The following ANP32B variants were observed in gnomAD, a reference collection of about 807,000 sequenced individuals.
ANP32B encodes the protein acidic leucine-rich nuclear phosphoprotein 32 family member B.
Under a neutral mutation model 32.2 loss-of-function variants are expected in ANP32B, and 6 were observed. The observed-to-expected ratio is 0.19, with a 90% CI of 0.10 to 0.37. The LOEUF is 0.37. ANP32B is among the 10% of genes least tolerant of loss of function. The pLI, the probability that ANP32B is intolerant of heterozygous loss-of-function variation, is 1.00. For synonymous variants in ANP32B, 98 were observed against 105.8 expected (o/e 0.93, Z 0.45); for missense variants, 204 against 289.2 (o/e 0.71, Z 2.14).
intron 3 of ANP32B, among the ~76,000 whole-genome samples, chr9:98,003,988 G>T (rs528432279): frequency 6.6e-6 from 1 of 152,156 alleles, no homozygotes; most frequent in Admixed American, 6.6e-5. Context: ...GTCACTTCCT[G>T]TTGCTGTCTC....
chr9:98,004,347 A>G (rs570937770), intron 3 of ANP32B, among the ~76,000 whole-genome samples: 67 of 152,296 alleles, frequency 4.4e-4, no homozygotes, highest in Middle Eastern at 6.8e-3. Flanking sequence ...GAAGAGTGCA[A>G]TGTTTCTCCG....
At position 97,983,411 on chromosome 9, in the gene ANP32B, A is replaced by ACGCCGCC. The variant is rs1401005119; in HGVS notation, c.-140_-134dup. On this transcript the variant is annotated 5_prime_UTR_variant, in exon 1 of 7. Transcript: ENST00000339399. ...CCGGGGGCTCCGCTCGCCTGCCCGC[A>ACGCCGCC]CGCCGCCCGCCACCCAGGACCGCGC... The ACGCCGCC allele has an allele frequency of 1.6e-6, 1 of 644,520 alleles. No homozygotes were observed. The highest frequency in any genetic ancestry group is 2.0e-5 in the African/African-American group (1 of 50,498). 39.9% of individuals were successfully genotyped at this position (644,520 alleles called of 1,614,324 possible).
At chr9:98,001,607 G>A (rs777080840) in intron 3 of ANP32B, among the ~76,000 whole-genome samples, 3 of 152,160 alleles carry the variant, frequency 2.0e-5, no homozygotes, top group Non-Finnish European at 4.4e-5. Flanking sequence ...ATTATCAGAA[G>A]CCTTTTTCAG....
At chr9:97,988,650 C>T (rs918845093) in intron 1 of ANP32B, among the ~76,000 whole-genome samples, 1 of 152,036 alleles carries the variant, frequency 6.6e-6, no homozygotes, top group Non-Finnish European at 1.5e-5. Flanking sequence ...GCTTGAACCC[C>T]GGGGACAGAG....
At chr9:97,996,410 T>G (rs1827906186) in intron 2 of ANP32B, among the ~76,000 whole-genome samples, 1 of 152,210 alleles carries the variant, frequency 6.6e-6, no homozygotes, top group Non-Finnish European at 1.5e-5. Context: ...ACAGGGTTTT[T>G]GTTTTTGTTG....
At position 97,983,347 on chromosome 9, in the gene ANP32B, C is replaced by G. The variant is rs980403516; in HGVS notation, c.-209C>G. 37 of 520,174 alleles carry G rather than the reference C, an allele frequency of 7.1e-5. No homozygotes were observed. In the Admixed American group the frequency reaches 1.2e-3, roughly 16 times the overall value. The allele number at this position is 520,174 out of a possible 1,614,324, so 32.2% of individuals were successfully genotyped here. A position where few individuals can be genotyped will look rare whatever the true frequency, so the allele number is the denominator to read the frequency against. On this transcript the variant is annotated 5_prime_UTR_variant, in exon 1 of 7. Transcript: ENST00000339399. ...AGCGCTGCGCTCCAGCCCCCTTTTC[C>G]CTCCATGGTTTCTCTCCGCTCCCGT...
intron 1 of ANP32B, among the ~76,000 whole-genome samples, chr9:97,989,715 A>T (rs1429445649): frequency 2.0e-5 from 3 of 151,988 alleles, no homozygotes; most frequent in Non-Finnish European, 4.4e-5. Context: ...TCTCAACTAC[A>T]CTCTTCCAAA....
At chr9:98,004,092 A>G (rs1304327529) in intron 3 of ANP32B, among the ~76,000 whole-genome samples, 1 of 152,216 alleles carries the variant, frequency 6.6e-6, no homozygotes, top group East Asian at 1.9e-4. Flanking sequence ...ATACTAGTAC[A>G]CTGATATAAT....
chr9:98,008,380 A>G (rs1168223227), intron 4 of ANP32B, among the ~76,000 whole-genome samples: 1 of 152,136 alleles, frequency 6.6e-6, no homozygotes, highest in Non-Finnish European at 1.5e-5. Flanking sequence ...CTTCCCAACC[A>G]CAAAAGACCC....
At chr9:97,990,938 T>A (rs1827815548) in intron 1 of ANP32B, among the ~76,000 whole-genome samples, 2 of 148,106 alleles carry the variant, frequency 1.4e-5, no homozygotes, top group African/African-American at 5.0e-5. Context: ...TCCTGCCTCA[T>A]CCTCCCGAGT....
At chr9:98,004,580 T>C (rs909835909) in intron 3 of ANP32B, among the ~76,000 whole-genome samples, 10 of 152,212 alleles carry the variant, frequency 6.6e-5, no homozygotes, top group Non-Finnish European at 1.3e-4. Context: ...TAAAGACCGC[T>C]TGATACCCAG....
At chr9:97,983,716 G>GCGCA in intron 1 of ANP32B, 107 bp downstream of exon 1, 1 of 873,440 alleles carries the variant, frequency 1.1e-6, no homozygotes, top group Non-Finnish European at 1.6e-6. Flanking sequence ...GCGGGGAAGA[G>GCGCA]CGCAGCTCGT....
chr9:98,008,352 A>G (rs1287652942), intron 4 of ANP32B, among the ~76,000 whole-genome samples: 1 of 152,208 alleles, frequency 6.6e-6, no homozygotes, highest in East Asian at 1.9e-4. Context: ...CTCAGCTCTC[A>G]AAAGAGTTTG....
chr9:98,005,586 G>A (rs529082536), intron 4 of ANP32B, among the ~76,000 whole-genome samples: 23 of 151,982 alleles, frequency 1.5e-4, no homozygotes, highest in Admixed American at 5.9e-4. Context: ...GCGTGCGCAC[G>A]CGTGTATTTT....
chr9:98,011,414 G>A (rs1828183682), intron 5 of ANP32B, 25 bp downstream of exon 5: 1 of 1,568,642 alleles, frequency 6.4e-7, no homozygotes, highest in East Asian at 2.3e-5. Context: ...TTTCTACCCT[G>A]CTTCCTATTT....
At chr9:97,991,502 T>C (rs1487186238) in intron 1 of ANP32B, among the ~76,000 whole-genome samples, 1 of 152,116 alleles carries the variant, frequency 6.6e-6, no homozygotes, top group Non-Finnish European at 1.5e-5. Context: ...ATTTATTTTT[T>C]CCTCACTTAG....
At chr9:97,986,608 C>G (rs540493867) in intron 1 of ANP32B, 1 of 152,364 alleles carries the variant, frequency 6.6e-6, no homozygotes, top group African/African-American at 2.4e-5. Flanking sequence ...GTTTGGAGAT[C>G]ACTCTCTTAA....
At chr9:97,984,058 CG>C (rs1165157949) in intron 1 of ANP32B, among the ~76,000 whole-genome samples, 1 of 149,806 alleles carries the variant, frequency 6.7e-6, no homozygotes, top group African/African-American at 2.4e-5. Flanking sequence ...CCGGGCCGGC[CG>C]GGGAAGGGGC....
intron 1 of ANP32B, among the ~76,000 whole-genome samples, chr9:97,985,946 C>G (rs748882852): frequency 6.6e-6 from 1 of 152,166 alleles, no homozygotes; most frequent in African/African-American, 2.4e-5. Flanking sequence ...CTCAACCTCC[C>G]GCGTAGCTGG....
Sources: allele counts gnomAD v4.1 joint callset (sites outside exome capture counted in the v4.1 genomes callset), GRCh38; gene constraint gnomAD v4.1.1; transcripts MANE v1.5; gene names NCBI Gene and HGNC (gene_info 2026-07-23, HGNC 2026-07-21).